Variants in ILK observed in about 807,000 individuals in gnomAD.
ILK encodes the protein integrin linked kinase, also known as scaffold protein ILK.
In ILK, 37 loss-of-function variants were observed where a neutral mutation model predicts 57.8. That is an observed-to-expected ratio of 0.64 (90% CI 0.49 to 0.84). ILK has a LOEUF of 0.84. ILK is among the 40% of genes least tolerant of loss of function. The pLI, the probability that ILK is intolerant of heterozygous loss-of-function variation, is 0.00. For synonymous variants in ILK, 231 were observed against 202.2 expected, an observed-to-expected ratio of 1.14 and a Z score of -1.21; for missense variants, 528 against 595.7, an observed-to-expected ratio of 0.89 and a Z score of 1.18.
At chr11:6,605,253 T>C (rs186099209) in intron 2 of ILK, among the ~76,000 whole-genome samples, 93 of 152,280 alleles carry the variant, frequency 6.1e-4, no homozygotes, top group Non-Finnish European at 1.0e-3. Flanking sequence ...AGCATATATA[T>C]ATCATATATA....
Position 6,603,840 on chromosome 11 carries a change from C to G in ILK, c.-93+18C>G. The G allele has an allele frequency of 2.8e-6, 1 of 354,640 alleles. No individual in the cohort carries two copies. Among genetic ancestry groups the G allele is most frequent in the Non-Finnish European group, 5.1e-6 (1 of 194,184 alleles). 22.0% of individuals were successfully genotyped at this position (354,640 alleles called of 1,614,324 possible). A position where few individuals can be genotyped will look rare whatever the true frequency, so the allele number is the denominator to read the frequency against. Reference sequence around the variant, plus strand: ...GAGTCCCGGTGAGTGCGAGAGGACCCGCGCCCCCTGTCACCCCTCACTTCT... The same window carrying G: ...GAGTCCCGGTGAGTGCGAGAGGACCGGCGCCCCCTGTCACCCCTCACTTCT... On this transcript the variant is annotated intron_variant, in intron 1 of 12. Coordinates refer to ENST00000299421, the MANE Select transcript of ILK (RefSeq NM_004517.4).
chr11:6,605,062 G>C (rs1298655808), intron 2 of ILK: 4 of 345,326 alleles, frequency 1.2e-5, no homozygotes, highest in Non-Finnish European at 2.3e-5. Context: ...TTGGGAACTT[G>C]GTTGTTTTTA....
At position 6,608,846 on chromosome 11, in the gene ILK, C is replaced by T; in HGVS notation, c.449-38C>T. ...TCTCGTCCCTTCCCACCTGTCTTCTCCCTCTGTACCACAGCTTAGGTTGTT... is the reference window on the plus strand; with the variant it reads ...TCTCGTCCCTTCCCACCTGTCTTCTTCCTCTGTACCACAGCTTAGGTTGTT... On this transcript the variant is annotated intron_variant, in intron 5 of 12. Coordinates refer to ENST00000299421, the MANE Select transcript of ILK (RefSeq NM_004517.4). The surrounding 1 kb of genome is among the most constrained non-coding windows in gnomAD (Gnocchi z 4.9). 1 of 1,613,138 alleles carries T rather than the reference C, an allele frequency of 6.2e-7. No individual in the cohort carries two copies. The highest frequency in any genetic ancestry group is 8.5e-7 in the Non-Finnish European group (1 of 1,179,094).
chr11:6,604,016 A>G, intron 1 of ILK, 164 bp from the exon 2 acceptor site: 2 of 587,968 alleles, frequency 3.4e-6, no homozygotes, highest in East Asian at 2.9e-5. Flanking sequence ...TTCAGCAGAC[A>G]CTACCTCTTC....
intron 2 of ILK, chr11:6,607,501 T>C (rs778466702): frequency 6.2e-6 from 1 of 161,674 alleles, no homozygotes; most frequent in Non-Finnish European, 1.4e-5. Flanking sequence ...GATGTTAGTT[T>C]CAGTACCAGA....
chr11:6,610,358 C>G (rs1201283251), intron 12 of ILK, 80 bp downstream of exon 12: 2 of 1,612,768 alleles, frequency 1.2e-6, no homozygotes, highest in Admixed American at 3.3e-5. Context: ...CTTGGCTCCT[C>G]ACATATTTGT....
chr11:6,605,204 A>C (rs1854738455), intron 2 of ILK, among the ~76,000 whole-genome samples: 1 of 152,168 alleles, frequency 6.6e-6, no homozygotes, highest in Non-Finnish European at 1.5e-5. Flanking sequence ...GAGGAATCTG[A>C]CTTGGAGACA....
intron 2 of ILK, 105 bp downstream of exon 2, chr11:6,604,465 TA>T: frequency 1.0e-6 from 1 of 976,516 alleles, no homozygotes; most frequent in Non-Finnish European, 1.6e-6. Flanking sequence ...CTAGCCAGTG[TA>T]ATGAGTGCTA....
chr11:6,604,584 C>T, intron 2 of ILK: 1 of 621,796 alleles, frequency 1.6e-6, no homozygotes, highest in Non-Finnish European at 2.9e-6. Context: ...AGCTTTCCAG[C>T]CTCAGTAGAC....
chr11:6,608,590 G>T lies in ILK; in HGVS notation c.351+101G>T. ...CAACCCATTCTGTCAGTACTACTGTGTGACACTTACAGGATTAAGTTCTAC... is the reference window on the plus strand; with the variant it reads ...CAACCCATTCTGTCAGTACTACTGTTTGACACTTACAGGATTAAGTTCTAC... On this transcript the variant is annotated intron_variant, in intron 4 of 12. Transcript: ENST00000299421. This position sits in a 1 kb window ranked among gnomAD's most constrained non-coding sequence, Gnocchi z 4.9. 1 of 1,336,410 alleles carries T rather than the reference G, an allele frequency of 7.5e-7. No homozygotes were observed. Among genetic ancestry groups the T allele is most frequent in the Admixed American group, 1.7e-5 (1 of 59,678 alleles). The allele number at this position is 1,336,410 out of a possible 1,614,324, so 82.8% of individuals were successfully genotyped here.
In ILK at chr11:6,609,796, C is replaced by T. The variant is rs1283676954; in HGVS notation, c.929C>T (p.Thr310Ile). 1 of 1,614,220 alleles carries T rather than the reference C, an allele frequency of 6.2e-7. No homozygotes were observed. The highest frequency in any genetic ancestry group is 1.1e-5 in the South Asian group (1 of 91,092). ...DMARGMAFLH[T>I]LEPLIPRHAL... ...GCAAGGGGCATGGCCTTCCTACACACACTAGAGCCCCTCATCCCACGACAT... is the reference window on the plus strand; with the variant it reads ...GCAAGGGGCATGGCCTTCCTACACATACTAGAGCCCCTCATCCCACGACAT... Residue 310 changes from threonine (T) to isoleucine (I), a missense_variant, in exon 10 of 13, where the codon ACA (threonine) becomes ATA (isoleucine). Thr to Ile is a moderately conservative substitution (Grantham distance 89, BLOSUM62 -1). Transcript: ENST00000299421.
At position 6,610,680 on chromosome 11, in the gene ILK, C is replaced by T; in HGVS notation, c.*69C>T. ...GTTGGGGGAATGCACCTCCCCAAAG[C>T]AGCAGGCCTCTGGTTGCCTCCCCCG... On this transcript the variant is annotated 3_prime_UTR_variant, in exon 13 of 13. Transcript: ENST00000299421. 6.3e-7 allele frequency: 1 copy of T among 1,590,322 alleles called. No individual in the cohort carries two copies. Among genetic ancestry groups the T allele is most frequent in the Non-Finnish European group, 8.6e-7 (1 of 1,160,192 alleles).
In ILK at chr11:6,609,330, T is replaced by G; in HGVS notation, c.650T>G (p.Ile217Ser). 6.2e-7 allele frequency: 1 copy of G among 1,614,084 alleles called. No homozygotes were observed. Among genetic ancestry groups the G allele is most frequent in the South Asian group, 1.1e-5 (1 of 91,078 alleles). ...LWKGRWQGND[I>S]VVKVLKVRDW... ...AAGGGCCGCTGGCAGGGCAATGACA[T>G]TGTCGTGAAGGTGCTGAAGGTTCGA... The change falls in exon 8 of 13, where the codon ATT becomes AGT. Residue 217 changes from isoleucine to serine, a missense_variant. By Grantham distance (142) the Ile-to-Ser change is moderately radical. Coordinates refer to ENST00000299421, the MANE Select transcript of ILK (RefSeq NM_004517.4).
intron 10 of ILK, 28 bp downstream of exon 10, chr11:6,609,873 AG>A (rs1373710669): frequency 1.2e-6 from 2 of 1,614,244 alleles, no homozygotes; most frequent in African/African-American, 2.7e-5. Context: ...CTCCTGGCCC[AG>A]GCCCCAAAAG....
chr11:6,604,278 G>A lies in ILK; in HGVS notation c.7G>A (p.Asp3Asn). 1 of 1,612,124 alleles carries A rather than the reference G, an allele frequency of 6.2e-7. No homozygotes were observed. Among genetic ancestry groups the A allele is most frequent in the Non-Finnish European group, 8.5e-7 (1 of 1,179,574 alleles). ...TCGGCGCCGGGACGCTGCTATGGAC[G>A]ACATTTTCACTCAGTGCCGGGAGGG... MD[D>N]IFTQCREGNA... The change falls in exon 2 of 13, where the codon GAC becomes AAC. Residue 3 changes from aspartate to asparagine, a missense_variant. Asp to Asn is a conservative substitution (Grantham distance 23). Coordinates refer to ENST00000299421, the MANE Select transcript of ILK (RefSeq NM_004517.4).
intron 2 of ILK, chr11:6,606,159 C>T (rs923190937): frequency 6.6e-6 from 1 of 152,196 alleles, no homozygotes; most frequent in African/African-American, 2.4e-5. Context: ...GGCCACAGAG[C>T]AAGACTCTGT....
Position 6,603,816 on chromosome 11 carries a change from A to C in ILK, c.-99A>C, listed in dbSNP as rs1046469354. The stretch of plus-strand genomic sequence containing the variant: ...CCCCGGAGAAGGATCCTGCAGCCCG[A>C]GTCCCGGTGAGTGCGAGAGGACCCG... On this transcript the variant is annotated 5_prime_UTR_variant, in exon 1 of 13. Transcript: ENST00000299421. The C allele has an allele frequency of 2.0e-5, 7 of 346,278 alleles. No individual in the cohort carries two copies. In the Admixed American group the frequency reaches 3.4e-4, roughly 17 times the overall value. The allele number at this position is 346,278 out of a possible 1,614,324, so 21.5% of individuals were successfully genotyped here. A position where few individuals can be genotyped will look rare whatever the true frequency, so the allele number is the denominator to read the frequency against.
At position 6,604,106 on chromosome 11, in the gene ILK, C is replaced by T. The variant is rs369889213; in HGVS notation, c.-92-74C>T. 1,088 of 685,144 alleles carry T rather than the reference C, an allele frequency of 1.6e-3. 28 individuals are homozygous for T. The South Asian group carries it at 0.017, about 11-fold the overall frequency. The allele number at this position is 685,144 out of a possible 1,614,324, so 42.4% of individuals were successfully genotyped here. ...AGGGATCATCCCGCAGCCCCGAACT[C>T]CTTCACAGACCCCCACTAGCCGGGG... On this transcript the variant is annotated intron_variant, in intron 1 of 12. Coordinates refer to ENST00000299421, the MANE Select transcript of ILK (RefSeq NM_004517.4).
intron 1 of ILK, 130 bp from the exon 2 acceptor site, chr11:6,604,050 C>G: frequency 1.6e-6 from 1 of 610,916 alleles, no homozygotes; most frequent in South Asian, 1.9e-5. Context: ...CACCCTGACC[C>G]GCCTTTACCT....
Sources: gnomAD v4.1 joint callset for allele counts (sites outside exome capture counted in the v4.1 genomes callset) on GRCh38, gnomAD v4.1.1 for gene constraint, Gnocchi (gnomAD v3.1) non-coding constraint, MANE v1.5 for transcripts, NCBI Gene and HGNC (gene_info 2026-07-23, HGNC 2026-07-21) for gene names.